Variants in KPNA5 observed in about 807,000 individuals in gnomAD.
The protein encoded by KPNA5 is importin subunit alpha-6.
Under a neutral mutation model 71.3 loss-of-function variants are expected in KPNA5, and 46 were observed. The ratio of observed to expected loss-of-function variants is 0.65; its 90% CI spans 0.51 to 0.83. The LOEUF (loss-of-function observed/expected upper bound fraction) is 0.83, where lower values mean the gene tolerates loss of function less well. KPNA5 is among the 40% of genes least tolerant of loss of function. The pLI, the probability that KPNA5 is intolerant of heterozygous loss-of-function variation, is 0.00. For synonymous variants in KPNA5, 207 were observed against 201.4 expected, an observed-to-expected ratio of 1.03 and a Z score of -0.24; for missense variants, 547 against 628.3, an observed-to-expected ratio of 0.87 and a Z score of 1.38.
At chr6:116,726,127 A>T (rs1416235759) in intron 11 of KPNA5, among the ~76,000 whole-genome samples, 1 of 151,456 alleles carries the variant, frequency 6.6e-6, no homozygotes, top group Non-Finnish European at 1.5e-5. Flanking sequence ...TTAGAAAGAT[A>T]TTTTTTTGCA....
intron 10 of KPNA5, among the ~76,000 whole-genome samples, chr6:116,724,697 C>T (rs1301928019): frequency 1.3e-5 from 2 of 151,356 alleles, no homozygotes; most frequent in African/African-American, 4.8e-5. Flanking sequence ...CTTAAGCAGT[C>T]CTCCTGGCTC....
Position 116,736,634 on chromosome 6 carries a change from G to T in KPNA5, c.*4311G>T, listed in dbSNP as rs1779678371. The T allele has an allele frequency of 6.6e-6, 1 of 151,902 alleles. No homozygotes were observed. Among genetic ancestry groups the T allele is most frequent in the South Asian group, 2.1e-4 (1 of 4,824 alleles). 9.4% of individuals were successfully genotyped at this position (151,902 alleles called of 1,614,324 possible). ...TTAGCTGAGCTTCCTAGGATCCATG[G>T]ATTTATAGTTTTCATCAAATTTGAA... On this transcript the variant is annotated 3_prime_UTR_variant, in exon 14 of 14. Coordinates refer to ENST00000368564, the MANE Select transcript of KPNA5 (RefSeq NM_001366306.2).
rs921918720 is a variant in KPNA5, at chr6:116,726,699, G to T, written c.1253+77G>T. On this transcript the variant is annotated intron_variant, in intron 12 of 13. Coordinates refer to ENST00000368564, the MANE Select transcript of KPNA5 (RefSeq NM_001366306.2). Reference sequence around the variant, plus strand: ...GAAATAAAACATATTTTAATTTACTGATGGAACTAAAATATTATTTCTAAG... The same window carrying T: ...GAAATAAAACATATTTTAATTTACTTATGGAACTAAAATATTATTTCTAAG... The T allele has an allele frequency of 3.4e-6, 4 of 1,185,698 alleles. No individual in the cohort carries two copies. In the African/African-American group the frequency reaches 6.4e-5, roughly 19 times the overall value. The allele number at this position is 1,185,698 out of a possible 1,614,324, so 73.4% of individuals were successfully genotyped here.
intron 12 of KPNA5, 61 bp downstream of exon 12, chr6:116,726,683 CAT>C (rs1304217180): frequency 3.9e-4 from 532 of 1,362,220 alleles, no homozygotes; most frequent in Non-Finnish European, 5.0e-4. Flanking sequence ...TGAAATAAAA[CAT>C]ATTTTAATTT....
In KPNA5 at chr6:116,737,858, T is replaced by G. The variant is rs912518833; in HGVS notation, c.*5535T>G. The G allele has an allele frequency of 2.0e-5, 3 of 152,076 alleles. No homozygotes were observed. The highest frequency in any genetic ancestry group is 3.4e-3 in the Middle Eastern group (1 of 294). 9.4% of individuals were successfully genotyped at this position (152,076 alleles called of 1,614,324 possible). A position where few individuals can be genotyped will look rare whatever the true frequency, so the allele number is the denominator to read the frequency against. Reference sequence around the variant, plus strand: ...TTCAGTTATAGTGATTATAGTCTTTTTACTTATTTCCTTAGTTTTTGCTCA... The same window carrying G: ...TTCAGTTATAGTGATTATAGTCTTTGTACTTATTTCCTTAGTTTTTGCTCA... On this transcript the variant is annotated 3_prime_UTR_variant, in exon 14 of 14. Transcript: ENST00000368564.
chr6:116,724,178 G>A, intron 9 of KPNA5, 119 bp from the exon 10 acceptor site: 2 of 607,306 alleles, frequency 3.3e-6, no homozygotes, highest in Non-Finnish European at 5.9e-6. Flanking sequence ...AGAATAATTA[G>A]TAAAACTTCA....
At chr6:116,722,683 A>G (rs934182965) in intron 9 of KPNA5, among the ~76,000 whole-genome samples, 3 of 152,214 alleles carry the variant, frequency 2.0e-5, no homozygotes, top group African/African-American at 7.2e-5. Flanking sequence ...TTTGAGTAAA[A>G]GTCCATGTAG....
At position 116,692,482 on chromosome 6, in the gene KPNA5, C is replaced by T. The variant is rs533949779; in HGVS notation, c.340+90C>T. 29 of 791,556 alleles carry T rather than the reference C, an allele frequency of 3.7e-5. No individual in the cohort carries two copies. In the African/African-American group the frequency reaches 4.6e-4, roughly 13 times the overall value. The allele number at this position is 791,556 out of a possible 1,614,324, so 49.0% of individuals were successfully genotyped here. A position where few individuals can be genotyped will look rare whatever the true frequency, so the allele number is the denominator to read the frequency against. ...TGTTTTTTTTTAAATTTTAAAATAC[C>T]TTTCTTTGCTAGACACAGGTGTTAT... is the stretch of plus-strand genomic sequence containing the variant. On this transcript the variant is annotated intron_variant, in intron 4 of 13. Transcript: ENST00000368564.
At position 116,707,503 on chromosome 6, in the gene KPNA5, T is replaced by G. The variant is rs111611953; in HGVS notation, c.656+2343T>G. On this transcript the variant is annotated intron_variant, in intron 7 of 13. Transcript: ENST00000368564. ...GGTCAAATCTGGCTTGCTTCACGTT[T>G]TTGTAAATTAAGTTTTATCGGAACA... Among the ~76,000 whole-genome samples the G allele has an allele frequency of 4.8e-3, 732 of 152,330 alleles. 5 individuals are homozygous for G. The highest frequency in any genetic ancestry group is 8.1e-3 in the Admixed American group (124 of 15,298).
intron 5 of KPNA5, among the ~76,000 whole-genome samples, chr6:116,699,321 A>G (rs546286284): frequency 2.0e-5 from 3 of 152,104 alleles, no homozygotes; most frequent in Non-Finnish European, 4.4e-5. Flanking sequence ...ATTTGCTACT[A>G]ATGGAAATTT....
At chr6:116,691,670 T>A (rs1451365053) in intron 2 of KPNA5, among the ~76,000 whole-genome samples, 1 of 152,240 alleles carries the variant, frequency 6.6e-6, no homozygotes, top group Non-Finnish European at 1.5e-5. Context: ...TCAGATGTTA[T>A]CTTTCATATG....
At chr6:116,689,890 T>G (rs1257435221) in intron 2 of KPNA5, among the ~76,000 whole-genome samples, 1 of 152,248 alleles carries the variant, frequency 6.6e-6, no homozygotes. Context: ...GGATCTCTGT[T>G]TATACTTTTC....
In KPNA5 at chr6:116,722,237, A is replaced by G. The variant is rs750974753; in HGVS notation, c.868A>G (p.Ile290Val). The change falls in exon 9 of 14, where the codon ATT (isoleucine) becomes GTT (valine). Residue 290 changes from isoleucine to valine, a missense_variant. Ile to Val is a conservative substitution (Grantham distance 29). Coordinates refer to ENST00000368564, the MANE Select transcript of KPNA5 (RefSeq NM_001366306.2). ...SYLSDGPNDK[I>V]QAVIDSGVCR... Reference sequence around the variant, plus strand: ...TCTCTCCGATGGACCCAATGATAAAATTCAAGCAGTCATTGATTCTGGAGT... The same window carrying G: ...TCTCTCCGATGGACCCAATGATAAAGTTCAAGCAGTCATTGATTCTGGAGT... The G allele has an allele frequency of 1.9e-6, 3 of 1,613,220 alleles. No homozygotes were observed. The highest frequency in any genetic ancestry group is 2.5e-6 in the Non-Finnish European group (3 of 1,179,452).
chr6:116,714,588 T>C (rs1778816462), intron 7 of KPNA5, among the ~76,000 whole-genome samples: 1 of 152,208 alleles, frequency 6.6e-6, no homozygotes, highest in South Asian at 2.1e-4. Flanking sequence ...GTCTGATACA[T>C]GTGGGAGCTT....
intron 8 of KPNA5, among the ~76,000 whole-genome samples, chr6:116,718,510 G>C (rs1302351853): frequency 6.6e-6 from 1 of 151,934 alleles, no homozygotes. Context: ...CAAGCTACCT[G>C]CCTCGGCCTC....
chr6:116,722,297 T>C lies in KPNA5; in HGVS notation c.920+8T>C. On this transcript the variant is annotated splice_region_variant and intron_variant, in intron 9 of 13. Transcript: ENST00000368564. ...ATTGGTGGAACTTTTGATGTAACTATAAATAATTTATGCTTAATAATTGTA... is the reference window on the plus strand; with the variant it reads ...ATTGGTGGAACTTTTGATGTAACTACAAATAATTTATGCTTAATAATTGTA... The C allele has an allele frequency of 6.3e-7, 1 of 1,594,940 alleles. No homozygotes were observed. The highest frequency in any genetic ancestry group is 1.1e-5 in the South Asian group (1 of 88,370).
At chr6:116,724,133 G>A (rs555610668) in intron 9 of KPNA5, among the ~76,000 whole-genome samples, 164 bp from the exon 10 acceptor site, 21 of 152,224 alleles carry the variant, frequency 1.4e-4, no homozygotes, top group African/African-American at 4.8e-4. Context: ...TGTAATGAAC[G>A]ATCCTGGATT....
chr6:116,714,681 A>ATCTTTTGTTGAGGTT (rs1407812534), intron 7 of KPNA5, among the ~76,000 whole-genome samples: 1 of 152,056 alleles, frequency 6.6e-6, no homozygotes, highest in Admixed American at 6.5e-5. Context: ...CCTCAACTGT[A>ATCTTTTGTTGAGGTT]TCTTTTGTTG....
chr6:116,726,323 A>G (rs1779285754), intron 11 of KPNA5, among the ~76,000 whole-genome samples, 172 bp from the exon 12 acceptor site: 1 of 152,056 alleles, frequency 6.6e-6, no homozygotes, highest in African/African-American at 2.4e-5. Flanking sequence ...TTTCCTATGT[A>G]AAAAGAAAAA....
Sources: allele counts gnomAD v4.1 joint callset (sites outside exome capture counted in the v4.1 genomes callset), GRCh38; gene constraint gnomAD v4.1.1; transcripts MANE v1.5; gene names NCBI Gene and HGNC (gene_info 2026-07-23, HGNC 2026-07-21).